Variants in CAMK2G observed in about 807,000 individuals in gnomAD.
The protein encoded by CAMK2G is calcium/calmodulin-dependent protein kinase type II subunit gamma.
CAMK2G carries 23 observed loss-of-function variants against 88.7 expected under a neutral mutation model. The observed-to-expected ratio is 0.26, with a 90% confidence interval of 0.19 to 0.37. CAMK2G has a LOEUF of 0.37. Among genes scored for constraint, CAMK2G ranks in the 10% least tolerant of loss-of-function variants. The pLI, the probability that CAMK2G is intolerant of heterozygous loss-of-function variation, is 1.00. For synonymous variants in CAMK2G, 263 were observed against 294.8 expected, an observed-to-expected ratio of 0.89 and a Z score of 1.11; for missense variants, 476 against 780.8, an observed-to-expected ratio of 0.61 and a Z score of 4.65.
intron 2 of CAMK2G, among the ~76,000 whole-genome samples, chr10:73,862,808 C>T (rs1439611380): frequency 1.3e-5 from 2 of 152,208 alleles, no homozygotes; most frequent in East Asian, 3.8e-4. Flanking sequence ...CAGGGGCCTT[C>T]ACATCCATAG....
At chr10:73,821,093 A>C (rs2088499227) in intron 18 of CAMK2G, among the ~76,000 whole-genome samples, 2 of 151,662 alleles carry the variant, frequency 1.3e-5, no homozygotes, top group Non-Finnish European at 2.9e-5. Flanking sequence ...TACAGGTGTG[A>C]GTCACCGCAC....
chr10:73,866,430 C>G (rs895531190), intron 2 of CAMK2G, among the ~76,000 whole-genome samples: 6 of 151,940 alleles, frequency 3.9e-5, no homozygotes, highest in East Asian at 1.9e-4. Context: ...ATGGCCCTCT[C>G]AGGGATGGGC....
At chr10:73,865,963 G>C (rs1250146922) in intron 2 of CAMK2G, among the ~76,000 whole-genome samples, 1 of 151,666 alleles carries the variant, frequency 6.6e-6, no homozygotes, top group Admixed American at 6.6e-5. Flanking sequence ...GCCATGGAGA[G>C]ACCCACCCCT....
rs1443894289 is a variant in CAMK2G at position 73,861,088 on chromosome 10, G to A, written c.161-199C>T. ...GTCTCACTTTGTCCCTCAGGCAGGA[G>A]TGCAGTGGCATGATCGCAGCCTCAA... On this transcript the variant is annotated intron_variant, in intron 2 of 22. Transcript: ENST00000423381. 5.3e-5 allele frequency among the ~76,000 whole-genome samples: 8 copies of A among 152,346 alleles called. No homozygotes were observed. In the East Asian group the frequency reaches 1.5e-3, roughly 29 times the overall value.
chr10:73,833,026 G>A (rs1433211064), intron 14 of CAMK2G, among the ~76,000 whole-genome samples: 2 of 148,042 alleles, frequency 1.4e-5, no homozygotes, highest in Admixed American at 6.7e-5. Flanking sequence ...GCGCAGTGGT[G>A]TGATCCTGGC....
chr10:73,838,973 TC>T (rs1188231212), intron 13 of CAMK2G, among the ~76,000 whole-genome samples: 1 of 152,158 alleles, frequency 6.6e-6, no homozygotes, highest in Non-Finnish European at 1.5e-5. Flanking sequence ...ATGTTATTTA[TC>T]ATCCCCATTG....
At chr10:73,826,009 G>C (rs999112714) in intron 15 of CAMK2G, among the ~76,000 whole-genome samples, 3 of 152,146 alleles carry the variant, frequency 2.0e-5, no homozygotes, top group African/African-American at 7.2e-5. Flanking sequence ...TTCCGGGGAG[G>C]GGCAGGTGAA....
At position 73,848,131 on chromosome 10, in the gene CAMK2G, G is replaced by T; in HGVS notation, c.602-49C>A. Reference sequence around the variant, plus strand: ...ATGGGGGTCAGTCGCCTACTTCCCTGAGGAACCAAGAAAAACCATGCAGGG... The same window carrying T: ...ATGGGGGTCAGTCGCCTACTTCCCTTAGGAACCAAGAAAAACCATGCAGGG... On this transcript the variant is annotated intron_variant, in intron 8 of 22. Transcript: ENST00000423381. This position sits in a 1 kb window ranked among gnomAD's most constrained non-coding sequence, Gnocchi z 4.5. 1 of 1,154,876 alleles carries T rather than the reference G, an allele frequency of 8.7e-7. No individual in the cohort carries two copies. The allele number at this position is 1,154,876 out of a possible 1,614,324, so 71.5% of individuals were successfully genotyped here.
chr10:73,833,600 CTTT>C (rs60516273), intron 14 of CAMK2G, among the ~76,000 whole-genome samples: 2 of 143,912 alleles, frequency 1.4e-5, no homozygotes, highest in South Asian at 2.2e-4. Context: ...ATCTATCTTC[CTTT>C]TTTTTTTTTT....
intron 20 of CAMK2G, 24 bp from the exon 21 acceptor site, chr10:73,817,141 GCCT>G: frequency 1.3e-6 from 2 of 1,584,536 alleles, no homozygotes; most frequent in Non-Finnish European, 1.7e-6. Flanking sequence ...AAAAAAAGCA[GCCT>G]ATCAGGCTTC....
chr10:73,825,182 C>T (rs1565214333), intron 16 of CAMK2G, 97 bp downstream of exon 16: 2 of 864,722 alleles, frequency 2.3e-6, no homozygotes, highest in South Asian at 2.7e-5. Flanking sequence ...AAGAAAGGAA[C>T]AGGCCAGGAG....
At position 73,839,746 on chromosome 10, in the gene CAMK2G, G is replaced by C. The variant is rs1565327509; in HGVS notation, c.947-145C>G. The C allele has an allele frequency of 5.0e-5, 21 of 421,374 alleles. No homozygotes were observed. The highest frequency in any genetic ancestry group is 5.4e-4 in the Middle Eastern group (1 of 1,844). The allele number at this position is 421,374 out of a possible 1,614,324, so 26.1% of individuals were successfully genotyped here. A position where few individuals can be genotyped will look rare whatever the true frequency, so the allele number is the denominator to read the frequency against. ...GAGCGGAGCGCCAGGGGCAGGCTGA[G>C]GAGGTAGGCGCAGCCAGCCCTGCAG... On this transcript the variant is annotated intron_variant, in intron 12 of 22. Coordinates refer to ENST00000423381, the MANE Select transcript of CAMK2G (RefSeq NM_001367534.1). The surrounding 1 kb of genome is among the most constrained non-coding windows in gnomAD (Gnocchi z 4.2).
At position 73,849,125 on chromosome 10, in the gene CAMK2G, A is replaced by C. The variant is rs769984202; in HGVS notation, c.415-10T>G. On this transcript the variant is annotated splice_polypyrimidine_tract_variant and intron_variant, in intron 6 of 22. Transcript: ENST00000423381. ...GCAGCAGGTTCTCAGGCTGCAGAAG[A>C]AACACAGAGAACCTTGTGAGCACCC... is the stretch of plus-strand genomic sequence containing the variant. 5.6e-6 allele frequency: 9 copies of C among 1,610,716 alleles called. No homozygotes were observed. The highest frequency in any genetic ancestry group is 1.3e-5 in the African/African-American group (1 of 74,906).
At position 73,857,915 on chromosome 10, in the gene CAMK2G, C is replaced by T. The variant is rs139777258; in HGVS notation, c.220+2915G>A. ...TTTTCAGAGCAGTTTTAGGTTCACA[C>T]CAAAATTGAGCGGAAAGTACAGGGT... is the stretch of plus-strand genomic sequence containing the variant. On this transcript the variant is annotated intron_variant, in intron 3 of 22. Transcript: ENST00000423381. 3.5e-3 allele frequency among the ~76,000 whole-genome samples: 528 copies of T among 152,304 alleles called. 1 individual carries two copies. The highest frequency in any genetic ancestry group is 0.012 in the African/African-American group (500 of 41,546).
intron 3 of CAMK2G, among the ~76,000 whole-genome samples, chr10:73,855,805 G>A (rs2094985779): frequency 6.6e-6 from 1 of 152,254 alleles, no homozygotes; most frequent in East Asian, 1.9e-4. Flanking sequence ...GACAAGGAGG[G>A]ATGGAGGAAG....
Position 73,842,604 on chromosome 10 carries a change from G to C in CAMK2G, c.820-63C>G. 12 of 1,182,320 alleles carry C rather than the reference G, an allele frequency of 1.0e-5. 1 individual carries two copies. Among genetic ancestry groups the C allele is most frequent in the Middle Eastern group, 1.9e-4 (1 of 5,218 alleles). The allele number at this position is 1,182,320 out of a possible 1,614,324, so 73.2% of individuals were successfully genotyped here. ...GATCCTCTGCGCCTCCCACAGTCCT[G>C]GCACCGATACCATGCCCAGGACAGG... On this transcript the variant is annotated intron_variant, in intron 10 of 22. Coordinates refer to ENST00000423381, the MANE Select transcript of CAMK2G (RefSeq NM_001367534.1). This position sits in a 1 kb window ranked among gnomAD's most constrained non-coding sequence, Gnocchi z 4.6.
chr10:73,859,660 G>A (rs1029580382), intron 3 of CAMK2G, among the ~76,000 whole-genome samples: 3 of 152,244 alleles, frequency 2.0e-5, no homozygotes, highest in Non-Finnish European at 4.4e-5. Context: ...ATCAGGCAAA[G>A]CCGATCACCA....
At position 73,815,030 on chromosome 10, in the gene CAMK2G, G is replaced by C. The variant is rs528264294; in HGVS notation, c.1752C>G (p.Ala584=). ...NVHYHCSGAP[A]APLQ ...GTGGCTGAGCTCACTGCAGCGGTGC[G>C]GCAGGGGCCCCTGAGCAGTGATAGT... Residue 584 remains alanine (A), a synonymous_variant, in exon 22 of 23, where the codon GCC becomes GCG. Coordinates refer to ENST00000423381, the MANE Select transcript of CAMK2G (RefSeq NM_001367534.1). 2.5e-6 allele frequency: 4 copies of C among 1,612,852 alleles called. No individual in the cohort carries two copies. In the South Asian group the frequency reaches 3.3e-5, roughly 13 times the overall value.
chr10:73,828,548 G>C (rs1208313083), intron 14 of CAMK2G, among the ~76,000 whole-genome samples: 3 of 152,146 alleles, frequency 2.0e-5, no homozygotes, highest in Admixed American at 6.5e-5. Context: ...GCAGCCACCA[G>C]GGAAAAAGCA....
Sources: gnomAD v4.1 joint callset for allele counts (sites outside exome capture counted in the v4.1 genomes callset) on GRCh38, gnomAD v4.1.1 for gene constraint, Gnocchi (gnomAD v3.1) non-coding constraint, MANE v1.5 for transcripts, NCBI Gene and HGNC (gene_info 2026-07-23, HGNC 2026-07-21) for gene names.